The following ZNF10 variants were observed in gnomAD, a reference collection of about 807,000 sequenced individuals.
ZNF10 encodes zinc finger protein 10 (KOX 1).
Under a neutral mutation model 12.2 loss-of-function variants are expected in ZNF10, and 8 were observed. The observed-to-expected ratio is 0.66, with a 90% CI of 0.39 to 1.18. ZNF10 has a LOEUF of 1.18. ZNF10 is among the 50% of genes most tolerant of loss of function. ZNF10 has a pLI of 0.01. For synonymous variants in ZNF10, 229 were observed against 228.2 expected (o/e 1.00, Z -0.03); for missense variants, 603 against 678.9 (o/e 0.89, Z 1.24).
chr12:133,138,427 C>G (rs1455703414), intron 1 of ZNF10, among the ~76,000 whole-genome samples: 1 of 151,424 alleles, frequency 6.6e-6, no homozygotes, highest in Admixed American at 6.6e-5. Context: ...TGGCTCATAC[C>G]TGTAGTTCTA....
At position 133,145,562 on chromosome 12, in the gene ZNF10, C is replaced by T. The variant is rs112970467; in HGVS notation, c.33+1037C>T. ...CGGTGGCTCATACCTATAATCCCAG[C>T]ACTTTGGGAGGCTGAGGTGCGCAGA... On this transcript the variant is annotated intron_variant, in intron 2 of 4. Coordinates refer to ENST00000248211, the MANE Select transcript of ZNF10 (RefSeq NM_015394.5). Among the ~76,000 whole-genome samples the T allele has an allele frequency of 4.4e-3, 663 of 152,224 alleles. 4 individuals are homozygous for T. The highest frequency in any genetic ancestry group is 0.015 in the African/African-American group (640 of 41,550).
intron 4 of ZNF10, 133 bp downstream of exon 4, chr12:133,152,037 T>C: frequency 1.6e-6 from 1 of 634,462 alleles, no homozygotes; most frequent in Non-Finnish European, 2.7e-6. Flanking sequence ...ATCTGGCCCC[T>C]GTTTCCCCAC....
rs755873956 is a variant in ZNF10 at position 133,155,815 on chromosome 12, C to T, written c.569C>T (p.Ser190Leu). 1.2e-6 allele frequency: 2 copies of T among 1,613,782 alleles called. No individual in the cohort carries two copies. Among genetic ancestry groups the T allele is most frequent in the Non-Finnish European group, 1.7e-6 (2 of 1,179,894 alleles). The change falls in exon 5 of 5, where the codon TCA becomes TTA. Residue 190 changes from serine (S) to leucine (L), a missense_variant. Coordinates refer to ENST00000248211, the MANE Select transcript of ZNF10 (RefSeq NM_015394.5). ...AGAGAGTATTTCCATAAACGTGACT[C>T]ACATACTAAAAGTTTAAAACATGAT... ...VLREYFHKRDSHTKSLKHDLV... is the reference protein window; with the variant it reads ...VLREYFHKRDLHTKSLKHDLV...
chr12:133,141,216 A>C (rs777655314), intron 1 of ZNF10, among the ~76,000 whole-genome samples: 10 of 152,202 alleles, frequency 6.6e-5, no homozygotes, highest in Non-Finnish European at 1.5e-4. Context: ...ACCCAAAAGG[A>C]TCAAACTGTT....
In ZNF10 at chr12:133,155,949, G is replaced by T; in HGVS notation, c.703G>T (p.Asp235Tyr). Residue 235 changes from aspartate (D) to tyrosine (Y), a missense_variant, in exon 5 of 5, where the codon GAT becomes TAT. By Grantham distance (160) the Asp-to-Tyr change is radical (BLOSUM62 -3). Transcript: ENST00000248211. ...TCAGTTTGCAAGAACTCACACAGGT[G>T]ATAAATCCTACAAATGCCCTGATAA... ...LIQFARTHTGDKSYKCPDNDN... is the reference protein window; with the variant it reads ...LIQFARTHTGYKSYKCPDNDN... 6.2e-7 allele frequency: 1 copy of T among 1,614,064 alleles called. No homozygotes were observed. The highest frequency in any genetic ancestry group is 8.5e-7 in the Non-Finnish European group (1 of 1,180,004).
chr12:133,157,150 C>T lies in ZNF10; in HGVS notation c.*182C>T. 1 of 496,962 alleles carries T rather than the reference C, an allele frequency of 2.0e-6. No individual in the cohort carries two copies. Among genetic ancestry groups the T allele is most frequent in the Non-Finnish European group, 3.1e-6 (1 of 318,716 alleles). 30.8% of individuals were successfully genotyped at this position (496,962 alleles called of 1,614,324 possible). On this transcript the variant is annotated 3_prime_UTR_variant, in exon 5 of 5. Transcript: ENST00000248211. ...ACAGATTTTATTTCAGTACACAAAT[C>T]CATCAGATTTTCTTCTTTTCATGAA...
intron 2 of ZNF10, chr12:133,144,755 G>A: frequency 4.0e-6 from 2 of 505,588 alleles, no homozygotes; most frequent in East Asian, 3.8e-5. Flanking sequence ...TAGTAGAATA[G>A]TAGTGGAAAA....
chr12:133,154,379 C>CT (rs1426250835), intron 4 of ZNF10, among the ~76,000 whole-genome samples: 3 of 152,060 alleles, frequency 2.0e-5, no homozygotes, highest in Non-Finnish European at 4.4e-5. Flanking sequence ...GTAGTCCTAT[C>CT]AGTTGTTAAG....
Position 133,156,125 on chromosome 12 carries a change from T to C in ZNF10, c.879T>C (p.Tyr293=). Reference sequence around the variant, plus strand: ...TTATTCATACTGGAGAAAAACCCTATGAGTGTAAAGAATGTGGAAAGTCTT... The same window carrying C: ...TTATTCATACTGGAGAAAAACCCTACGAGTGTAAAGAATGTGGAAAGTCTT... The part of the protein sequence containing the change: ...HQLIHTGEKP[Y]ECKECGKSFS... Residue 293 remains tyrosine (Y), a synonymous_variant, in exon 5 of 5, where the codon TAT becomes TAC. Transcript: ENST00000248211. The C allele has an allele frequency of 6.2e-7, 1 of 1,613,540 alleles. No homozygotes were observed. Among genetic ancestry groups the C allele is most frequent in the Non-Finnish European group, 8.5e-7 (1 of 1,180,022 alleles).
intron 2 of ZNF10, among the ~76,000 whole-genome samples, chr12:133,147,153 G>A (rs1473331376): frequency 6.6e-6 from 1 of 152,110 alleles, no homozygotes; most frequent in African/African-American, 2.4e-5. Context: ...TGCATTTCCT[G>A]TTGAGGGACA....
Position 133,156,269 on chromosome 12 carries a change from A to T in ZNF10, c.1023A>T (p.Arg341Ser), listed in dbSNP as rs761374627. 6.2e-7 allele frequency: 1 copy of T among 1,614,164 alleles called. No individual in the cohort carries two copies. The change falls in exon 5 of 5, where the codon AGA (arginine) becomes AGT (serine). Residue 341 changes from arginine to serine, a missense_variant. Physicochemically the swap from Arg to Ser is moderately radical, Grantham distance 110 (BLOSUM62 -1). Around this residue, in one of 3 missense-constraint regions of ZNF10, gnomAD observed 393 missense variants for 399.7 expected, o/e 0.98. Coordinates refer to ENST00000248211, the MANE Select transcript of ZNF10 (RefSeq NM_015394.5). ...SWFSHLVTHQ[R>S]THTGDKLYTC... is the part of the protein sequence containing the mutation. ...TCTCTCACCTTGTTACTCATCAGAG[A>T]ACTCATACAGGAGACAAACTGTACA... is the stretch of plus-strand genomic sequence containing the variant.
intron 2 of ZNF10, among the ~76,000 whole-genome samples, chr12:133,146,452 T>TA (rs1259296381): frequency 2.6e-5 from 4 of 152,200 alleles, no homozygotes; most frequent in Non-Finnish European, 5.9e-5. Context: ...ACATTCCATT[T>TA]AAAATTTTTT....
chr12:133,143,561 C>T (rs898022073), intron 1 of ZNF10: 1 of 127,076 alleles, frequency 7.9e-6, no homozygotes, highest in Non-Finnish European at 1.7e-5. Context: ...GGAAATGAAA[C>T]CAAATGGAAA....
intron 4 of ZNF10, 113 bp downstream of exon 4, chr12:133,152,017 G>T: frequency 1.4e-6 from 1 of 730,354 alleles, no homozygotes; most frequent in Non-Finnish European, 2.3e-6. Context: ...TTCCTGGGAA[G>T]ACTGAGTTTA....
intron 2 of ZNF10, among the ~76,000 whole-genome samples, chr12:133,146,799 T>C (rs1293504787): frequency 1.3e-5 from 2 of 151,926 alleles, no homozygotes; most frequent in Admixed American, 6.6e-5. Flanking sequence ...TGAGCCGAGA[T>C]TGTGCCACTT....
At position 133,156,915 on chromosome 12, in the gene ZNF10, A is replaced by G. The variant is rs766618875; in HGVS notation, c.1669A>G (p.Thr557Ala). The G allele has an allele frequency of 6.8e-7, 1 of 1,473,740 alleles. No homozygotes were observed. The highest frequency in any genetic ancestry group is 9.0e-7 in the Non-Finnish European group (1 of 1,112,554). The allele number at this position is 1,473,740 out of a possible 1,614,324, so 91.3% of individuals were successfully genotyped here. A position where few individuals can be genotyped will look rare whatever the true frequency, so the allele number is the denominator to read the frequency against. Residue 557 changes from threonine to alanine, a missense_variant, in exon 5 of 5, where the codon ACC (threonine) becomes GCC (alanine). Physicochemically the swap from Thr to Ala is moderately conservative, Grantham distance 58. Transcript: ENST00000248211. ...CNQCGTALVNTSNLIGYQTNH... is the reference protein window; with the variant it reads ...CNQCGTALVNASNLIGYQTNH... ...TCAATGTGGGACAGCGCTTGTTAAT[A>G]CCTCTAACCTTATTGGATACCAGAC...
intron 2 of ZNF10, among the ~76,000 whole-genome samples, chr12:133,149,376 T>TTA (rs1555299615): frequency 3.5e-5 from 5 of 143,876 alleles, no homozygotes; most frequent in African/African-American, 5.5e-5. Context: ...TTTTTTTTTT[T>TTA]AGACAGGTTC....
rs1484869682 is a variant in ZNF10 at position 133,156,777 on chromosome 12, C to G, written c.1531C>G (p.His511Asp). ...KNDLIKHQRI[H>D]VGEETYKCNQ... ...TGACCTCATTAAGCACCAGAGAATTCATGTTGGAGAAGAGACCTATAAATG... is the reference window on the plus strand; with the variant it reads ...TGACCTCATTAAGCACCAGAGAATTGATGTTGGAGAAGAGACCTATAAATG... Residue 511 changes from histidine (H) to aspartate (D), a missense_variant, in exon 5 of 5, where the codon CAT (histidine) becomes GAT (aspartate). Around this residue, in one of 3 missense-constraint regions of ZNF10, gnomAD observed 204 missense variants for 262.8 expected, o/e 0.78. Coordinates refer to ENST00000248211, the MANE Select transcript of ZNF10 (RefSeq NM_015394.5). The G allele has an allele frequency of 6.3e-7, 1 of 1,587,494 alleles. No individual in the cohort carries two copies. The highest frequency in any genetic ancestry group is 8.6e-7 in the Non-Finnish European group (1 of 1,169,020).
At chr12:133,140,229 AAAG>A (rs1955937128) in intron 1 of ZNF10, among the ~76,000 whole-genome samples, 1 of 149,592 alleles carries the variant, frequency 6.7e-6, no homozygotes, top group African/African-American at 2.5e-5. Context: ...AAAAAAAAAA[AAAG>A]CCAGGTGCAG....
Sources: gnomAD v4.1 joint callset for allele counts (sites outside exome capture counted in the v4.1 genomes callset) on GRCh38, gnomAD v4.1.1 for gene constraint, gnomAD v4.1.1 regional missense constraint, MANE v1.5 for transcripts, NCBI Gene and HGNC (gene_info 2026-07-23, HGNC 2026-07-21) for gene names.